The following LMO7 variants were observed in gnomAD, a reference collection of about 807,000 sequenced individuals.
LMO7 encodes LIM domain 7.
A neutral mutation model predicts 206.5 loss-of-function variants in LMO7; 120 were observed. That is an observed-to-expected ratio of 0.58 (90% confidence interval 0.50 to 0.68). The LOEUF (loss-of-function observed/expected upper bound fraction) is 0.68, where lower values mean the gene tolerates loss of function less well. Among genes scored for constraint, LMO7 ranks in the 30% least tolerant of loss-of-function variants. The pLI, the probability that LMO7 is intolerant of heterozygous loss-of-function variation, is 0.00. For synonymous variants in LMO7, 706 were observed against 681.5 expected, an observed-to-expected ratio of 1.04 and a Z score of -0.56; for missense variants, 1,959 against 1,957.9, an observed-to-expected ratio of 1.00 and a Z score of -0.01.
At chr13:75,671,992 G>A (rs1476352108) in intron 1 of LMO7, among the ~76,000 whole-genome samples, 1 of 152,100 alleles carries the variant, frequency 6.6e-6, no homozygotes, top group Non-Finnish European at 1.5e-5. Context: ...TTCATACATT[G>A]CTTAATTTTT....
rs1030960152 is a variant in LMO7 at position 75,858,303 on chromosome 13, A to C, written c.*360A>C. 4.0e-5 allele frequency: 8 copies of C among 201,734 alleles called. No homozygotes were observed. The allele number at this position is 201,734 out of a possible 1,614,324, so 12.5% of individuals were successfully genotyped here. A position where few individuals can be genotyped will look rare whatever the true frequency, so the allele number is the denominator to read the frequency against. ...AGGGTATTTTATTGTTTTTTAAAAAAAGGTTCTTAAACATTATTTGAAATA... is the reference window on the plus strand; with the variant it reads ...AGGGTATTTTATTGTTTTTTAAAAACAGGTTCTTAAACATTATTTGAAATA... On this transcript the variant is annotated 3_prime_UTR_variant, in exon 31 of 31. Coordinates refer to ENST00000377534, the MANE Select transcript of LMO7 (RefSeq NM_001306080.2).
At chr13:75,630,597 T>C (rs1187763191) in intron 2 of LMO7, among the ~76,000 whole-genome samples, 4 of 152,112 alleles carry the variant, frequency 2.6e-5, no homozygotes, top group Admixed American at 2.6e-4. Context: ...TCACTTGAGC[T>C]CGGGAGGCTG....
intron 1 of LMO7, among the ~76,000 whole-genome samples, chr13:75,710,172 A>T (rs2042978228): frequency 6.6e-6 from 1 of 151,816 alleles, no homozygotes; most frequent in Non-Finnish European, 1.5e-5. Context: ...CTGTTTTGGT[A>T]GCAGTACCAT....
intron 4 of LMO7, among the ~76,000 whole-genome samples, chr13:75,774,925 C>T (rs2050181865): frequency 6.6e-6 from 1 of 151,786 alleles, no homozygotes. Flanking sequence ...TTTGCCTAAC[C>T]CAATGTTGCA....
At chr13:75,665,381 G>A (rs2038987525) in intron 1 of LMO7, among the ~76,000 whole-genome samples, 1 of 151,960 alleles carries the variant, frequency 6.6e-6, no homozygotes, top group Non-Finnish European at 1.5e-5. Flanking sequence ...TTGAAGTACA[G>A]TAGTAATTTA....
At chr13:75,837,269 T>G (rs1344574382) in intron 19 of LMO7, among the ~76,000 whole-genome samples, 2 of 152,244 alleles carry the variant, frequency 1.3e-5, no homozygotes, top group Non-Finnish European at 2.9e-5. Flanking sequence ...GTGACTATAT[T>G]TTGTTTTCAG....
chr13:75,693,837 C>A (rs2041688226), intron 1 of LMO7, among the ~76,000 whole-genome samples: 1 of 152,098 alleles, frequency 6.6e-6, no homozygotes, highest in East Asian at 1.9e-4. Flanking sequence ...TTTGTGACTG[C>A]CTTCTGTGGT....
At chr13:75,639,646 G>A (rs2036315476) in intron 1 of LMO7, among the ~76,000 whole-genome samples, 1 of 152,184 alleles carries the variant, frequency 6.6e-6, no homozygotes. Context: ...AGTTGCCTTT[G>A]TCTCTCTGTT....
At position 75,858,451 on chromosome 13, in the gene LMO7, T is replaced by C. The variant is rs2061127460; in HGVS notation, c.*508T>C. On this transcript the variant is annotated 3_prime_UTR_variant, in exon 31 of 31. Transcript: ENST00000377534. ...AATGTGCTTTCTGTATCCTTCCTTC[T>C]ACCTATTATTCTGATTTTTAAAAAT... 6.6e-6 allele frequency: 1 copy of C among 152,576 alleles called. No homozygotes were observed. The highest frequency in any genetic ancestry group is 1.5e-5 in the Non-Finnish European group (1 of 68,096). The allele number at this position is 152,576 out of a possible 1,614,324, so 9.5% of individuals were successfully genotyped here.
Position 75,800,343 on chromosome 13 carries a change from A to G in LMO7, c.463-341A>G, listed in dbSNP as rs147829937. Among the ~76,000 whole-genome samples, 15 of 152,214 alleles carry G rather than the reference A, an allele frequency of 9.9e-5. No homozygotes were observed. The East Asian group carries it at 2.5e-3, about 25-fold the overall frequency. ...TATTGCTAGAGAACTGTAATAACTG[A>G]GTTTAGCATTTCAATGTTACTCTAT... On this transcript the variant is annotated intron_variant, in intron 6 of 30. Coordinates refer to ENST00000377534, the MANE Select transcript of LMO7 (RefSeq NM_001306080.2).
chr13:75,672,492 T>A (rs922551522), intron 1 of LMO7, among the ~76,000 whole-genome samples: 1 of 152,198 alleles, frequency 6.6e-6, no homozygotes, highest in Non-Finnish European at 1.5e-5. Flanking sequence ...ACAATTGCAT[T>A]GTATTACATT....
chr13:75,693,608 T>C (rs1234444677), intron 1 of LMO7, among the ~76,000 whole-genome samples: 5 of 152,226 alleles, frequency 3.3e-5, no homozygotes, highest in Admixed American at 6.5e-5. Flanking sequence ...TTCTCTGTTG[T>C]GGAGGAAAAT....
At chr13:75,811,616 C>A (rs1566518980) in intron 11 of LMO7, among the ~76,000 whole-genome samples, 1 of 152,198 alleles carries the variant, frequency 6.6e-6, no homozygotes, top group Non-Finnish European at 1.5e-5. Context: ...CTTTTGAAGT[C>A]TGAGACTGTT....
At chr13:75,641,457 C>A (rs1335095479) in intron 1 of LMO7, among the ~76,000 whole-genome samples, 1 of 152,120 alleles carries the variant, frequency 6.6e-6, no homozygotes, top group Non-Finnish European at 1.5e-5. Flanking sequence ...GACCTATATG[C>A]CCAAGTCACC....
chr13:75,708,619 A>G (rs996915744), intron 1 of LMO7, among the ~76,000 whole-genome samples: 2 of 152,100 alleles, frequency 1.3e-5, no homozygotes, highest in Middle Eastern at 3.2e-3. Context: ...AACGTTTTCT[A>G]TAGTTGAGAT....
At position 75,757,978 on chromosome 13, in the gene LMO7, G is replaced by A. The variant is rs142543425; in HGVS notation, c.211-2954G>A. On this transcript the variant is annotated intron_variant, in intron 3 of 30. Transcript: ENST00000377534. ...TTTGTGTGATGGGTTGGGCCAGGGAGGGTTGGGCTCCTCTTCTTTTGCAGA... is the reference window on the plus strand; with the variant it reads ...TTTGTGTGATGGGTTGGGCCAGGGAAGGTTGGGCTCCTCTTCTTTTGCAGA... Among the ~76,000 whole-genome samples, 23 of 152,182 alleles carry A rather than the reference G, an allele frequency of 1.5e-4. No individual in the cohort carries two copies. The East Asian group carries it at 3.3e-3, about 22-fold the overall frequency.
rs1470826816 is a variant in LMO7, at chr13:75,823,750, A to G, written c.2826A>G (p.Ser942=). The change falls in exon 15 of 31, where the codon TCA becomes TCG. Residue 942 remains serine, a synonymous_variant. Coordinates refer to ENST00000377534, the MANE Select transcript of LMO7 (RefSeq NM_001306080.2). ...TRLPSPTSPF[S]SLSQDQAATS... ...TGCCCTCTCCTACATCCCCCTTCTC[A>G]TCTCTTTCCCAAGACCAGGCTGCCA... 1 of 1,614,114 alleles carries G rather than the reference A, an allele frequency of 6.2e-7. No homozygotes were observed. Among genetic ancestry groups the G allele is most frequent in the Non-Finnish European group, 8.5e-7 (1 of 1,180,000 alleles).
chr13:75,729,075 T>C (rs1274272990), intron 3 of LMO7, among the ~76,000 whole-genome samples: 1 of 152,084 alleles, frequency 6.6e-6, no homozygotes, highest in African/African-American at 2.4e-5. Flanking sequence ...CCTCCAGCTT[T>C]GTTCTTTTGG....
At chr13:75,809,572 G>C (rs1210060446) in intron 11 of LMO7, among the ~76,000 whole-genome samples, 1 of 152,100 alleles carries the variant, frequency 6.6e-6, no homozygotes, top group Non-Finnish European at 1.5e-5. Context: ...TAGAAAATCT[G>C]TGATGGAAAA....
Sources: gnomAD v4.1 joint callset for allele counts (sites outside exome capture counted in the v4.1 genomes callset) on GRCh38, gnomAD v4.1.1 for gene constraint, MANE v1.5 for transcripts, NCBI Gene and HGNC (gene_info 2026-07-23, HGNC 2026-07-21) for gene names.